Variants in MYH10 observed in about 807,000 individuals in gnomAD.
MYH10 encodes the protein myosin heavy chain 10, also known as myosin-10.
A neutral mutation model predicts 257.8 loss-of-function variants in MYH10; 55 were observed. The observed-to-expected ratio is 0.21, with a 90% CI of 0.17 to 0.27. The LOEUF (loss-of-function observed/expected upper bound fraction) is 0.27, where lower values mean the gene tolerates loss of function less well. Among genes scored for constraint, MYH10 ranks in the 10% least tolerant of loss-of-function variants. The pLI is 1.00. For missense variants in MYH10, 1,631 were observed against 2,500.6 expected (o/e 0.65, Z 7.42); for synonymous variants, 854 against 921.7 (o/e 0.93, Z 1.33).
chr17:8,552,482 C>G lies in MYH10; in HGVS notation c.821-338G>C, dbSNP rs2082671068. Among the ~76,000 whole-genome samples the G allele has an allele frequency of 6.6e-6, 1 of 152,120 alleles. No homozygotes were observed. The highest frequency in any genetic ancestry group is 2.1e-4 in the South Asian group (1 of 4,830). ...ACACTATACGAGGAACTGTAAGAAGCTATTGAAAATGAAGTACAGTTGTTT... is the reference window on the plus strand; with the variant it reads ...ACACTATACGAGGAACTGTAAGAAGGTATTGAAAATGAAGTACAGTTGTTT... On this transcript the variant is annotated intron_variant, in intron 8 of 42. Coordinates refer to ENST00000360416, the MANE Select transcript of MYH10 (RefSeq NM_001256012.3). This position sits in a 1 kb window ranked among gnomAD's most constrained non-coding sequence, Gnocchi z 4.8.
intron 17 of MYH10, among the ~76,000 whole-genome samples, chr17:8,523,030 G>A (rs141378322): frequency 6.4e-4 from 97 of 152,160 alleles, no homozygotes; most frequent in African/African-American, 2.2e-3. Context: ...GCACTCGCCT[G>A]GGATCCCAAA....
chr17:8,522,460 T>G (rs2081688162), intron 17 of MYH10, among the ~76,000 whole-genome samples: 1 of 152,202 alleles, frequency 6.6e-6, no homozygotes, highest in Non-Finnish European at 1.5e-5. Flanking sequence ...ACACTACAAC[T>G]GCTTCCAAGC....
chr17:8,512,717 T>C, intron 23 of MYH10, 60 bp from the exon 24 acceptor site: 2 of 1,380,996 alleles, frequency 1.4e-6, no homozygotes, highest in Non-Finnish European at 2.0e-6. Context: ...CAGTATATAT[T>C]CGCCGTGATT....
chr17:8,587,538 C>T (rs556873392), intron 4 of MYH10, among the ~76,000 whole-genome samples: 43 of 152,238 alleles, frequency 2.8e-4, no homozygotes, highest in Middle Eastern at 6.8e-3. Context: ...CCTACTTACC[C>T]GCATTGGTAC....
In MYH10 at chr17:8,487,590, C is replaced by T. The variant is rs775710600; in HGVS notation, c.4889G>A (p.Arg1630Gln). 13 of 1,614,034 alleles carry T rather than the reference C, an allele frequency of 8.1e-6. No individual in the cohort carries two copies. The highest frequency in any genetic ancestry group is 1.6e-4 in the Middle Eastern group (1 of 6,084). ...ATCCTCCAGCTCCGCCTCGAGCTCCCGCACCTAATGGACAACATCGGGTTA... is the reference window on the plus strand; with the variant it reads ...ATCCTCCAGCTCCGCCTCGAGCTCCTGCACCTAATGGACAACATCGGGTTA... Reference protein sequence around the residue: ...EKKRLLIKQVRELEAELEDER... With the variant: ...EKKRLLIKQVQELEAELEDER... The change falls in exon 36 of 43, where the codon CGG becomes CAG. Residue 1630 changes from arginine (R) to glutamine (Q), a missense_variant. By Grantham distance (43) the Arg-to-Gln change is conservative (BLOSUM62 1). Around this residue, in one of 11 missense-constraint regions of MYH10, gnomAD observed 463 missense variants for 621.8 expected, o/e 0.74. Transcript: ENST00000360416.
rs1480236861 is a variant in MYH10 at position 8,518,947 on chromosome 17, A to G, written c.2277T>C (p.Tyr759=). The G allele has an allele frequency of 2.5e-6, 4 of 1,596,924 alleles. No individual in the cohort carries two copies. The highest frequency in any genetic ancestry group is 3.4e-6 in the Non-Finnish European group (4 of 1,166,866). The part of the protein sequence containing the change: ...RIVFQEFRQR[Y]EILTPNAIPK... ...GAATAGCATTTGGAGTTAGGATCTC[A>G]TATCTGTAAGAGAATATTCCAAGAA... is the stretch of plus-strand genomic sequence containing the variant. The change falls in exon 20 of 43, where the codon TAT becomes TAC. Residue 759 remains tyrosine (Y), a synonymous_variant. Coordinates refer to ENST00000360416, the MANE Select transcript of MYH10 (RefSeq NM_001256012.3).
chr17:8,507,404 G>C (rs1249717571), intron 26 of MYH10, among the ~76,000 whole-genome samples: 2 of 152,218 alleles, frequency 1.3e-5, no homozygotes, highest in Admixed American at 6.5e-5. Context: ...CCAGTCTCTA[G>C]CTGCTCTTTC....
Position 8,512,558 on chromosome 17 carries a change from G to A in MYH10, c.2845C>T (p.Gln949Ter). 2 of 1,613,544 alleles carry A rather than the reference G, an allele frequency of 1.2e-6. No homozygotes were observed. Among genetic ancestry groups the A allele is most frequent in the Non-Finnish European group, 1.7e-6 (2 of 1,179,950 alleles). The change falls in exon 24 of 43, where the codon CAG (glutamine) becomes TAG (stop). Residue 949 changes from glutamine to a stop codon, truncating the protein, a stop_gained. Coordinates refer to ENST00000360416, the MANE Select transcript of MYH10 (RefSeq NM_001256012.3). LOFTEE classifies it high-confidence loss of function. ...TCATGTAGAATCTCTTCTAATTCCTGCTTTTTAGCAGCAAGTCTTGCCCTC... is the reference window on the plus strand; with the variant it reads ...TCATGTAGAATCTCTTCTAATTCCTACTTTTTAGCAGCAAGTCTTGCCCTC... Reference protein sequence around the residue: ...EMRARLAAKKQELEEILHDLE... With the variant: ...EMRARLAAKK
At chr17:8,494,954 T>C (rs2151827072) in intron 31 of MYH10, among the ~76,000 whole-genome samples, 183 bp downstream of exon 31, 1 of 152,340 alleles carries the variant, frequency 6.6e-6, no homozygotes, top group South Asian at 2.1e-4. Context: ...CCAGGGGCTC[T>C]ACATCAAGAC....
intron 16 of MYH10, among the ~76,000 whole-genome samples, chr17:8,534,852 T>C (rs2082096735): frequency 6.6e-6 from 1 of 152,214 alleles, no homozygotes; most frequent in South Asian, 2.1e-4. Context: ...TCTTCTAGTC[T>C]ACAATAAAAA....
intron 2 of MYH10, among the ~76,000 whole-genome samples, chr17:8,613,116 C>T (rs1259185576): frequency 6.6e-6 from 1 of 151,856 alleles, no homozygotes; most frequent in Non-Finnish European, 1.5e-5. Flanking sequence ...TTCAAGGGAA[C>T]AACAATCAAA....
chr17:8,597,692 C>T (rs1299058420), intron 3 of MYH10, among the ~76,000 whole-genome samples: 1 of 150,120 alleles, frequency 6.7e-6, no homozygotes. Context: ...CAGCTCACTG[C>T]AACCTCTGCC....
chr17:8,594,319 GATGCAAA>G (rs920377640), intron 3 of MYH10, among the ~76,000 whole-genome samples: 23 of 152,082 alleles, frequency 1.5e-4, no homozygotes, highest in African/African-American at 5.1e-4. Context: ...AAGATATACA[GATGCAAA>G]ATAAGCACAT....
chr17:8,551,154 AT>A (rs2082630577), intron 9 of MYH10, among the ~76,000 whole-genome samples: 7 of 118,544 alleles, frequency 5.9e-5, no homozygotes, highest in Admixed American at 1.6e-4. Context: ...TAAATAAATA[AT>A]AAATTTAAAA....
At chr17:8,598,380 G>A (rs984658375) in intron 3 of MYH10, among the ~76,000 whole-genome samples, 3 of 151,956 alleles carry the variant, frequency 2.0e-5, no homozygotes, top group African/African-American at 7.3e-5. Context: ...CTGTCTTTTC[G>A]TGGGACCAGC....
At chr17:8,621,295 A>T (rs2152106701) in intron 2 of MYH10, among the ~76,000 whole-genome samples, 1 of 151,662 alleles carries the variant, frequency 6.6e-6, no homozygotes, top group East Asian at 1.9e-4. Context: ...CAGTTTTCTC[A>T]CTCCTTCACC....
chr17:8,554,352 A>G (rs1387862794), intron 7 of MYH10: 2 of 160,644 alleles, frequency 1.2e-5, no homozygotes, highest in Admixed American at 1.3e-4. Flanking sequence ...GGACCACTCT[A>G]TCCAGCACTA....
chr17:8,589,037 C>G (rs2084021117), intron 4 of MYH10, 44 bp downstream of exon 4: 1 of 1,602,682 alleles, frequency 6.2e-7, no homozygotes, highest in South Asian at 1.1e-5. Flanking sequence ...GCTCCACTTT[C>G]CAAGAAAATC....
chr17:8,624,991 A>G (rs956315409), intron 1 of MYH10, among the ~76,000 whole-genome samples: 4 of 152,130 alleles, frequency 2.6e-5, no homozygotes, highest in Non-Finnish European at 4.4e-5. Context: ...GCTCATGCCT[A>G]TAATCCTAGC....
Sources: gnomAD v4.1 joint callset for allele counts (sites outside exome capture counted in the v4.1 genomes callset) on GRCh38, gnomAD v4.1.1 for gene constraint, gnomAD v4.1.1 regional missense constraint, Gnocchi (gnomAD v3.1) non-coding constraint, MANE v1.5 for transcripts, NCBI Gene and HGNC (gene_info 2026-07-23, HGNC 2026-07-21) for gene names.